Variants in DCAF5 observed in about 807,000 individuals in gnomAD.
DCAF5 encodes the protein DDB1 and CUL4 associated factor 5.
In DCAF5, 9 loss-of-function variants were observed where a neutral mutation model predicts 80.7. That is an observed-to-expected ratio of 0.11 (90% confidence interval 0.07 to 0.19). DCAF5 has a LOEUF of 0.19. Among genes scored for constraint, DCAF5 ranks in the 10% least tolerant of loss-of-function variants. The pLI is 1.00. For missense variants in DCAF5, 842 were observed against 1,205.7 expected, an observed-to-expected ratio of 0.70 and a Z score of 4.47; for synonymous variants, 433 against 461.9, an observed-to-expected ratio of 0.94 and a Z score of 0.80.
At chr14:69,125,620 G>A (rs1438186256) in intron 1 of DCAF5, among the ~76,000 whole-genome samples, 1 of 152,150 alleles carries the variant, frequency 6.6e-6, no homozygotes, top group Non-Finnish European at 1.5e-5. Context: ...GTTCACTGAA[G>A]CATTGGTCAT....
In DCAF5 at chr14:69,091,891, G is replaced by A; in HGVS notation, c.666-4C>T. ...TCCACCATAGCGCAGGAGAGAACTG[G>A]AAGGCACAAGGCACAGGAATCAGGC... On this transcript the variant is annotated splice_polypyrimidine_tract_variant and splice_region_variant and intron_variant, in intron 5 of 8. Coordinates refer to ENST00000341516, the MANE Select transcript of DCAF5 (RefSeq NM_003861.3). The A allele has an allele frequency of 6.2e-7, 1 of 1,608,306 alleles. No homozygotes were observed. The highest frequency in any genetic ancestry group is 8.5e-7 in the Non-Finnish European group (1 of 1,176,924).
chr14:69,116,932 T>TA (rs1027406219), intron 4 of DCAF5, among the ~76,000 whole-genome samples: 2 of 151,908 alleles, frequency 1.3e-5, no homozygotes, highest in Admixed American at 6.6e-5. Context: ...TGATGAAGAT[T>TA]AAAAAAAACA....
At chr14:69,104,874 G>A (rs2040082307) in intron 5 of DCAF5, among the ~76,000 whole-genome samples, 1 of 151,454 alleles carries the variant, frequency 6.6e-6, no homozygotes, top group Admixed American at 6.6e-5. Context: ...AAAAAAAAGT[G>A]AGAGACAGGG....
At chr14:69,062,238 T>C in intron 8 of DCAF5, 146 bp downstream of exon 8, 1 of 902,416 alleles carries the variant, frequency 1.1e-6, no homozygotes, top group Non-Finnish European at 1.6e-6. Flanking sequence ...ATCAGCTTTC[T>C]AATATTTTGT....
chr14:69,069,850 G>A (rs1265727677), intron 7 of DCAF5, among the ~76,000 whole-genome samples: 1 of 152,096 alleles, frequency 6.6e-6, no homozygotes, highest in Admixed American at 6.5e-5. Context: ...AACTCCTGAG[G>A]CATCAAGCGA....
chr14:69,063,126 C>G (rs2139851801), intron 7 of DCAF5, among the ~76,000 whole-genome samples: 1 of 152,214 alleles, frequency 6.6e-6, no homozygotes, highest in Non-Finnish European at 1.5e-5. Flanking sequence ...TCATAATAAG[C>G]AGGGTCCAAG....
At chr14:69,056,495 G>A (rs1326551078) in intron 8 of DCAF5, among the ~76,000 whole-genome samples, 3 of 152,230 alleles carry the variant, frequency 2.0e-5, no homozygotes, top group Admixed American at 2.0e-4. Context: ...TAATTAAGCT[G>A]TCACTGCAAA....
intron 6 of DCAF5, among the ~76,000 whole-genome samples, chr14:69,076,173 G>A (rs1221155596): frequency 6.6e-6 from 1 of 151,900 alleles, no homozygotes; most frequent in African/African-American, 2.4e-5. Context: ...GAGAACCCTT[G>A]TGCATTGCTG....
intron 1 of DCAF5, among the ~76,000 whole-genome samples, chr14:69,129,659 T>C (rs957937305): frequency 6.6e-6 from 1 of 152,160 alleles, no homozygotes; most frequent in Non-Finnish European, 1.5e-5. Flanking sequence ...TTAGGATCAT[T>C]TCAGACCATT....
At chr14:69,085,726 AT>A (rs2039291872) in intron 6 of DCAF5, among the ~76,000 whole-genome samples, 2 of 152,234 alleles carry the variant, frequency 1.3e-5, no homozygotes, top group Admixed American at 1.3e-4. Flanking sequence ...AAAAAAAGTT[AT>A]ATTCCCTCTA....
intron 6 of DCAF5, among the ~76,000 whole-genome samples, chr14:69,076,594 A>T (rs2038908817): frequency 1.3e-5 from 2 of 152,240 alleles, no homozygotes; most frequent in Non-Finnish European, 2.9e-5. Flanking sequence ...TAAAATTCAC[A>T]GAAACAGCAA....
intron 1 of DCAF5, among the ~76,000 whole-genome samples, chr14:69,128,315 T>C (rs2040936306): frequency 6.6e-6 from 1 of 151,694 alleles, no homozygotes; most frequent in African/African-American, 2.4e-5. Flanking sequence ...GCTCCATGGG[T>C]AGCTGGGACT....
chr14:69,112,303 A>G (rs2040396023), intron 5 of DCAF5, among the ~76,000 whole-genome samples: 1 of 152,216 alleles, frequency 6.6e-6, no homozygotes, highest in Admixed American at 6.5e-5. Context: ...ACTTTCAGGG[A>G]CAGGAAGTCT....
intron 7 of DCAF5, among the ~76,000 whole-genome samples, chr14:69,067,604 G>A (rs533786355): frequency 3.0e-4 from 45 of 151,626 alleles, no homozygotes; most frequent in Admixed American, 1.8e-3. Flanking sequence ...CTTGGCCCCC[G>A]GAAGTGCTGG....
intron 5 of DCAF5, among the ~76,000 whole-genome samples, chr14:69,103,085 T>C (rs1201653919): frequency 6.6e-6 from 1 of 152,204 alleles, no homozygotes; most frequent in Non-Finnish European, 1.5e-5. Flanking sequence ...GTGGGTCCAT[T>C]ATTGACTGAA....
chr14:69,125,468 G>T (rs1323054430), intron 1 of DCAF5, among the ~76,000 whole-genome samples: 1 of 152,144 alleles, frequency 6.6e-6, no homozygotes, highest in Non-Finnish European at 1.5e-5. Context: ...AGGAAAAGAG[G>T]CAAAGAATAC....
In DCAF5 at chr14:69,152,206, C is replaced by T. The variant is rs796254666; in HGVS notation, c.214+559G>A. Among the ~76,000 whole-genome samples, 67 of 152,292 alleles carry T rather than the reference C, an allele frequency of 4.4e-4. No homozygotes were observed. The highest frequency in any genetic ancestry group is 1.5e-3 in the African/African-American group (64 of 41,574). On this transcript the variant is annotated intron_variant, in intron 1 of 8. Coordinates refer to ENST00000341516, the MANE Select transcript of DCAF5 (RefSeq NM_003861.3). This position sits in a 1 kb window ranked among gnomAD's most constrained non-coding sequence, Gnocchi z 4.1. The stretch of plus-strand genomic sequence containing the variant: ...CGCCGAGGGGGGCGGCCCACAGCGA[C>T]CCTACCGCCCCAGTCACTTCCCCTC...
At chr14:69,066,103 T>C (rs913814692) in intron 7 of DCAF5, among the ~76,000 whole-genome samples, 2 of 152,172 alleles carry the variant, frequency 1.3e-5, no homozygotes, top group Non-Finnish European at 2.9e-5. Flanking sequence ...CTGGGCCATC[T>C]GCTTTGGTTG....
chr14:69,142,131 C>CA (rs201102277), intron 1 of DCAF5, among the ~76,000 whole-genome samples: 20 of 151,692 alleles, frequency 1.3e-4, no homozygotes, highest in Non-Finnish European at 2.4e-4. Context: ...CCTGTCTCTA[C>CA]AAAAAAAAAT....
Sources: gnomAD v4.1 joint callset for allele counts (sites outside exome capture counted in the v4.1 genomes callset) on GRCh38, gnomAD v4.1.1 for gene constraint, Gnocchi (gnomAD v3.1) non-coding constraint, MANE v1.5 for transcripts, NCBI Gene and HGNC (gene_info 2026-07-23, HGNC 2026-07-21) for gene names.